The following KCNU1 variants were observed in gnomAD, a reference collection of about 807,000 sequenced individuals.
The protein encoded by KCNU1 is potassium channel subfamily U member 1.
A neutral mutation model predicts 126.8 loss-of-function variants in KCNU1; 93 were observed. The observed-to-expected ratio is 0.73, with a 90% confidence interval of 0.62 to 0.87. The LOEUF (loss-of-function observed/expected upper bound fraction) is 0.87, where lower values mean the gene tolerates loss of function less well. Among genes scored for constraint, KCNU1 ranks in the 40% least tolerant of loss-of-function variants. KCNU1 has a pLI of 0.00. For missense variants in KCNU1, 1,330 were observed against 1,367.1 expected, an observed-to-expected ratio of 0.97 and a Z score of 0.43; for synonymous variants, 523 against 494.2, an observed-to-expected ratio of 1.06 and a Z score of -0.77.
intron 19 of KCNU1, among the ~76,000 whole-genome samples, chr8:36,868,578 G>A (rs996315803): frequency 2.0e-5 from 3 of 152,004 alleles, no homozygotes; most frequent in African/African-American, 7.3e-5. Flanking sequence ...TCTATTCTTA[G>A]TACTTAAAGC....
chr8:36,791,684 A>C (rs1001803380), intron 2 of KCNU1, among the ~76,000 whole-genome samples: 2 of 152,146 alleles, frequency 1.3e-5, no homozygotes, highest in African/African-American at 4.8e-5. Context: ...TATTTCAAAA[A>C]CGGTGCCTGG....
intron 2 of KCNU1, among the ~76,000 whole-genome samples, chr8:36,794,055 C>CAA (rs747930765): frequency 1.8e-3 from 116 of 63,930 alleles, no homozygotes; most frequent in East Asian, 4.2e-3. Flanking sequence ...CTCTGTCTCT[C>CAA]AAAAAAAAAA....
intron 10 of KCNU1, among the ~76,000 whole-genome samples, chr8:36,831,460 G>A (rs1804543399): frequency 6.6e-6 from 1 of 152,188 alleles, no homozygotes; most frequent in Admixed American, 6.5e-5. Flanking sequence ...TCTAACTGCT[G>A]TGAAATGGTA....
At chr8:36,855,652 G>C (rs188011261) in intron 18 of KCNU1, among the ~76,000 whole-genome samples, 2 of 151,942 alleles carry the variant, frequency 1.3e-5, no homozygotes, top group African/African-American at 2.4e-5. Flanking sequence ...CAAGGCTCCT[G>C]TTGGTTAGTT....
At chr8:36,833,894 A>G (rs1034763122) in intron 11 of KCNU1, among the ~76,000 whole-genome samples, 1 of 152,166 alleles carries the variant, frequency 6.6e-6, no homozygotes, top group Non-Finnish European at 1.5e-5. Flanking sequence ...TAAATTATTT[A>G]TTTCTCAAAA....
chr8:36,906,399 A>T (rs1807631441), intron 20 of KCNU1, among the ~76,000 whole-genome samples: 1 of 152,016 alleles, frequency 6.6e-6, no homozygotes, highest in Non-Finnish European at 1.5e-5. Flanking sequence ...AACTCAACTC[A>T]CAGAAATGCC....
intron 22 of KCNU1, among the ~76,000 whole-genome samples, chr8:36,916,694 T>A (rs966254639): frequency 3.9e-5 from 6 of 152,224 alleles, no homozygotes; most frequent in Non-Finnish European, 8.8e-5. Context: ...TCCTCTTTAA[T>A]AGCTGTGCGA....
intron 2 of KCNU1, among the ~76,000 whole-genome samples, chr8:36,791,786 T>C (rs1344143546): frequency 1.3e-5 from 2 of 152,204 alleles, no homozygotes; most frequent in Admixed American, 1.3e-4. Flanking sequence ...ATAAAACATA[T>C]TGGAAAAGAT....
intron 2 of KCNU1, among the ~76,000 whole-genome samples, chr8:36,790,479 G>GA (rs537007934): frequency 6.4e-4 from 94 of 146,618 alleles, no homozygotes; most frequent in Non-Finnish European, 1.2e-3. Flanking sequence ...TATAAAAAAG[G>GA]AAAAAAAAAG....
rs1396243288 is a variant in KCNU1 at position 36,911,060 on chromosome 8, C to A, written c.2462C>A (p.Thr821Asn). The A allele has an allele frequency of 1.2e-6, 2 of 1,613,804 alleles. No individual in the cohort carries two copies. The highest frequency in any genetic ancestry group is 1.3e-5 in the African/African-American group (1 of 75,038). Residue 821 changes from threonine to asparagine, a missense_variant, in exon 22 of 27, where the codon ACC becomes AAC. Physicochemically the swap from Thr to Asn is moderately conservative, Grantham distance 65. Transcript: ENST00000399881. Reference sequence around the variant, plus strand: ...GTAGACACAGAAGCCATCATGGCAACCCTCACCATCGGATCCTTGCAAATT... The same window carrying A: ...GTAGACACAGAAGCCATCATGGCAAACCTCACCATCGGATCCTTGCAAATT... ...TLVDTEAIMATLTIGSLQIDS... is the reference protein window; with the variant it reads ...TLVDTEAIMANLTIGSLQIDS...
intron 19 of KCNU1, among the ~76,000 whole-genome samples, chr8:36,902,739 G>A (rs937135291): frequency 2.6e-5 from 4 of 152,054 alleles, no homozygotes; most frequent in Admixed American, 2.6e-4. Context: ...CCAGACTCAG[G>A]TATTAGCTGT....
At chr8:36,845,930 GC>G in intron 18 of KCNU1, 31 bp downstream of exon 18, 5 of 1,338,032 alleles carry the variant, frequency 3.7e-6, no homozygotes, top group Non-Finnish European at 5.3e-6. Context: ...GCTGTCCTTA[GC>G]CCAGCCTCTA....
chr8:36,851,164 T>C (rs1195857841), intron 18 of KCNU1, among the ~76,000 whole-genome samples: 1 of 152,218 alleles, frequency 6.6e-6, no homozygotes, highest in Non-Finnish European at 1.5e-5. Flanking sequence ...AGATAAATTT[T>C]GGAAATATCT....
intron 20 of KCNU1, among the ~76,000 whole-genome samples, chr8:36,907,549 G>C (rs182252356): frequency 3.7e-4 from 57 of 152,280 alleles, no homozygotes; most frequent in Non-Finnish European, 6.2e-4. Context: ...CTCTAGGAAG[G>C]CTCTCCAGAC....
At position 36,864,326 on chromosome 8, in the gene KCNU1, G is replaced by C. The variant is rs1271184104; in HGVS notation, c.1892-78G>C. On this transcript the variant is annotated intron_variant, in intron 18 of 26. Transcript: ENST00000399881. ...TTTCCCTAGTCAAGGGTCTATAAATGGCTCAGCCAAGGGGAATATTCCAAC... is the reference window on the plus strand; with the variant it reads ...TTTCCCTAGTCAAGGGTCTATAAATCGCTCAGCCAAGGGGAATATTCCAAC... The C allele has an allele frequency of 3.4e-6, 3 of 888,640 alleles. No individual in the cohort carries two copies. The African/African-American group carries it at 4.9e-5, about 15-fold the overall frequency. 55.0% of individuals were successfully genotyped at this position (888,640 alleles called of 1,614,324 possible). A position where few individuals can be genotyped will look rare whatever the true frequency, so the allele number is the denominator to read the frequency against.
chr8:36,803,665 G>A (rs1358606629), intron 2 of KCNU1, among the ~76,000 whole-genome samples: 2 of 152,098 alleles, frequency 1.3e-5, no homozygotes, highest in Non-Finnish European at 2.9e-5. Context: ...AGCCTATTAA[G>A]CACTTAATAG....
chr8:36,887,943 A>G (rs1387097829), intron 19 of KCNU1, among the ~76,000 whole-genome samples: 1 of 152,114 alleles, frequency 6.6e-6, no homozygotes, highest in Non-Finnish European at 1.5e-5. Flanking sequence ...TTATGTTGAA[A>G]CAATAGAAGG....
chr8:36,891,015 T>G (rs1322227781), intron 19 of KCNU1, among the ~76,000 whole-genome samples: 1 of 151,828 alleles, frequency 6.6e-6, no homozygotes, highest in East Asian at 1.9e-4. Flanking sequence ...TGTATTTTTA[T>G]TAGTGTAATC....
chr8:36,863,296 C>T (rs1034932586), intron 18 of KCNU1, among the ~76,000 whole-genome samples: 72 of 152,218 alleles, frequency 4.7e-4, no homozygotes, highest in African/African-American at 1.4e-3. Context: ...GCTTGTCCCA[C>T]GTGAACTCCC....
Sources: gnomAD v4.1 joint callset for allele counts (sites outside exome capture counted in the v4.1 genomes callset) on GRCh38, gnomAD v4.1.1 for gene constraint, MANE v1.5 for transcripts, NCBI Gene and HGNC (gene_info 2026-07-23, HGNC 2026-07-21) for gene names.